Variants in HDAC9 observed in about 807,000 individuals in gnomAD.
The protein encoded by HDAC9 is MEF-2 interacting transcription repressor (MITR) protein.
Under a neutral mutation model 139.4 loss-of-function variants are expected in HDAC9, and 41 were observed. The observed-to-expected ratio is 0.29, with a 90% CI of 0.23 to 0.38. The LOEUF is 0.38. Ranked by LOEUF, HDAC9 falls within the 10% of genes least tolerant of loss-of-function variation. The pLI is 1.00. For synonymous variants in HDAC9, 517 were observed against 476.2 expected, an observed-to-expected ratio of 1.09 and a Z score of -1.12; for missense variants, 1,147 against 1,297.0, an observed-to-expected ratio of 0.88 and a Z score of 1.78.
At chr7:18,416,473 A>C (rs1195078308) in intron 1 of HDAC9, among the ~76,000 whole-genome samples, 1 of 152,018 alleles carries the variant, frequency 6.6e-6, no homozygotes, top group South Asian at 2.1e-4. Context: ...AGCTGTGTAG[A>C]ATTGGTATTA....
chr7:18,659,177 T>G (rs1792341353), intron 11 of HDAC9, among the ~76,000 whole-genome samples: 1 of 152,146 alleles, frequency 6.6e-6, no homozygotes, highest in African/African-American at 2.4e-5. Flanking sequence ...AGGATTTCTG[T>G]GGGAAACATT....
chr7:18,107,367 T>G (rs577655786), intron 1 of HDAC9, among the ~76,000 whole-genome samples: 1 of 152,338 alleles, frequency 6.6e-6, no homozygotes, highest in South Asian at 2.1e-4. Flanking sequence ...GAACAAATGA[T>G]TAGACATCCT....
intron 11 of HDAC9, among the ~76,000 whole-genome samples, chr7:18,665,978 A>C (rs930508767): frequency 9.2e-5 from 14 of 152,142 alleles, no homozygotes; most frequent in Admixed American, 3.3e-4. Flanking sequence ...AAGAAAAAAC[A>C]ATCCAACACT....
intron 12 of HDAC9, among the ~76,000 whole-genome samples, chr7:18,725,942 C>A (rs1418614088): frequency 6.6e-6 from 1 of 152,132 alleles, no homozygotes; most frequent in Non-Finnish European, 1.5e-5. Context: ...ATGCCCAAAG[C>A]CTCAATATGT....
chr7:18,509,043 C>G (rs55934317), intron 2 of HDAC9, among the ~76,000 whole-genome samples: 5 of 152,312 alleles, frequency 3.3e-5, no homozygotes, highest in South Asian at 2.1e-4. Context: ...GGTGACACAT[C>G]TATTTTTTAA....
At chr7:18,529,553 G>C (rs1425327354) in intron 2 of HDAC9, among the ~76,000 whole-genome samples, 2 of 152,116 alleles carry the variant, frequency 1.3e-5, no homozygotes, top group Non-Finnish European at 2.9e-5. Context: ...TTTGTTAAAA[G>C]AATTTGAGAA....
chr7:18,151,732 T>C (rs1208329789), intron 1 of HDAC9: 1 of 152,190 alleles, frequency 6.6e-6, no homozygotes. Context: ...GGGAATGGAA[T>C]GTGCTACATA....
chr7:18,931,046 A>G (rs1045953332), intron 22 of HDAC9, among the ~76,000 whole-genome samples: 2 of 152,172 alleles, frequency 1.3e-5, no homozygotes, highest in African/African-American at 4.8e-5. Flanking sequence ...TTCTGGCTTG[A>G]TTTATTATAT....
intron 1 of HDAC9, among the ~76,000 whole-genome samples, chr7:18,148,015 T>G (rs1237778562): frequency 1.3e-5 from 2 of 152,206 alleles, no homozygotes; most frequent in Non-Finnish European, 2.9e-5. Flanking sequence ...TCTAGACTGT[T>G]TCCAGAATTT....
intron 2 of HDAC9, among the ~76,000 whole-genome samples, chr7:18,497,812 G>C (rs1797323887): frequency 6.6e-6 from 1 of 152,078 alleles, no homozygotes. Flanking sequence ...TTACAAGTTT[G>C]ATATTTTTTT....
intron 25 of HDAC9, among the ~76,000 whole-genome samples, chr7:18,980,330 T>C (rs1036740563): frequency 2.6e-5 from 4 of 152,214 alleles, no homozygotes; most frequent in Admixed American, 1.3e-4. Flanking sequence ...ATAAGATGCA[T>C]AATTTAGCTT....
chr7:18,905,343 T>C (rs1023289752), intron 22 of HDAC9, among the ~76,000 whole-genome samples: 1 of 152,180 alleles, frequency 6.6e-6, no homozygotes, highest in African/African-American at 2.4e-5. Flanking sequence ...TTATACAGAG[T>C]AGATGTTCAT....
chr7:18,563,576 T>G (rs2128716006), intron 2 of HDAC9, among the ~76,000 whole-genome samples: 1 of 152,284 alleles, frequency 6.6e-6, no homozygotes, highest in Non-Finnish European at 1.5e-5. Flanking sequence ...ATTTAAGGTG[T>G]TTAGCACAAT....
intron 2 of HDAC9, among the ~76,000 whole-genome samples, chr7:18,220,620 A>G (rs888237367): frequency 3.4e-4 from 51 of 152,160 alleles, no homozygotes; most frequent in Admixed American, 3.3e-3. Context: ...GCTGTGAATA[A>G]ATTGACCTAA....
chr7:18,337,143 A>C (rs1781643966), intron 1 of HDAC9, among the ~76,000 whole-genome samples: 1 of 151,678 alleles, frequency 6.6e-6, no homozygotes, highest in Non-Finnish European at 1.5e-5. Context: ...AATTATTTTC[A>C]CATTAATTTA....
intron 2 of HDAC9, among the ~76,000 whole-genome samples, chr7:18,572,474 A>G (rs1824630033): frequency 6.6e-6 from 1 of 151,872 alleles, no homozygotes; most frequent in Non-Finnish European, 1.5e-5. Context: ...AGAAGAATAT[A>G]TAAGTTGTAG....
At chr7:18,742,872 T>C (rs1000785923) in intron 13 of HDAC9, among the ~76,000 whole-genome samples, 5 of 152,206 alleles carry the variant, frequency 3.3e-5, no homozygotes, top group Non-Finnish European at 7.3e-5. Context: ...TTATTTTTAT[T>C]CATTCCATTG....
intron 22 of HDAC9, among the ~76,000 whole-genome samples, chr7:18,920,013 G>GT (rs1315964015): frequency 6.6e-6 from 1 of 152,050 alleles, no homozygotes; most frequent in African/African-American, 2.4e-5. Context: ...CTTTAACGTG[G>GT]TTTTTTCCAA....
chr7:18,928,623 A>G (rs1299398909), intron 22 of HDAC9, among the ~76,000 whole-genome samples: 2 of 152,196 alleles, frequency 1.3e-5, no homozygotes, highest in Non-Finnish European at 2.9e-5. Context: ...GCATGGGTAC[A>G]TTTTAAATGA....
Sources: allele counts gnomAD v4.1 joint callset (sites outside exome capture counted in the v4.1 genomes callset), GRCh38; gene constraint gnomAD v4.1.1; transcripts MANE v1.5; gene names NCBI Gene and HGNC (gene_info 2026-07-23, HGNC 2026-07-21).